MROH1: variants seen among roughly 807,000 people sequenced by gnomAD.
MROH1 encodes the protein maestro heat like repeat family member 1.
In MROH1, 117 loss-of-function variants were observed where a neutral mutation model predicts 116.5. The ratio of observed to expected loss-of-function variants is 1.00; its 90% CI spans 0.86 to 1.17. The LOEUF (loss-of-function observed/expected upper bound fraction) is 1.17. MROH1 is among the 50% of genes most tolerant of loss of function. The probability of loss-of-function intolerance (pLI) is 0.00; values close to 1 mark genes in which losing one functional copy is unlikely to be tolerated. For synonymous variants in MROH1, 921 were observed against 583.9 expected (o/e 1.58, Z -8.32); for missense variants, 1,873 against 1,338.5 (o/e 1.40, Z -6.23).
At chr8:144,219,246 TCTC>T (rs1470865787) in intron 12 of MROH1, among the ~76,000 whole-genome samples, 1 of 152,034 alleles carries the variant, frequency 6.6e-6, no homozygotes, top group Non-Finnish European at 1.5e-5. Context: ...ATGGTCTCGA[TCTC>T]CTGACCTCGT....
At chr8:144,166,386 C>G (rs1220430830) in intron 3 of MROH1, among the ~76,000 whole-genome samples, 1 of 152,210 alleles carries the variant, frequency 6.6e-6, no homozygotes, top group Non-Finnish European at 1.5e-5. Flanking sequence ...GGGAGGCTCC[C>G]TGGGTGGCCG....
intron 12 of MROH1, among the ~76,000 whole-genome samples, chr8:144,209,835 G>A (rs1833696703): frequency 6.6e-6 from 1 of 151,152 alleles, no homozygotes; most frequent in Non-Finnish European, 1.5e-5. Context: ...GAGCCCAGGA[G>A]GTCGAGGCTG....
chr8:144,241,555 C>G, intron 22 of MROH1, 38 bp downstream of exon 22: 1 of 776,916 alleles, frequency 1.3e-6, no homozygotes, highest in Non-Finnish European at 2.4e-6. Flanking sequence ...GGACGGCTGT[C>G]TATCCACAAG....
chr8:144,222,139 G>A (rs1342125986), intron 13 of MROH1, among the ~76,000 whole-genome samples: 1 of 142,340 alleles, frequency 7.0e-6, no homozygotes, highest in Non-Finnish European at 1.6e-5. Context: ...AAAGACAGCA[G>A]CCCCACCCCC....
Position 144,261,795 on chromosome 8 carries a change from C to T in MROH1, c.*55C>T. 4 of 700,044 alleles carry T rather than the reference C, an allele frequency of 5.7e-6. No individual in the cohort carries two copies. In the South Asian group the frequency reaches 5.9e-5, roughly 10 times the overall value. 43.4% of individuals were successfully genotyped at this position (700,044 alleles called of 1,614,324 possible). On this transcript the variant is annotated 3_prime_UTR_variant, in exon 44 of 44. Coordinates refer to ENST00000326134, the MANE Select transcript of MROH1 (RefSeq NM_032450.3). ...ATGCACCCAGACCTGTGCCTGAGCTCCAAGACAGGGCCTCCTGAGGACCAC... is the reference window on the plus strand; with the variant it reads ...ATGCACCCAGACCTGTGCCTGAGCTTCAAGACAGGGCCTCCTGAGGACCAC...
At chr8:144,205,014 A>G (rs560607851) in intron 12 of MROH1, among the ~76,000 whole-genome samples, 3 of 152,300 alleles carry the variant, frequency 2.0e-5, no homozygotes, top group Middle Eastern at 3.4e-3. Context: ...TATGAGCATT[A>G]TTGCTTCATG....
At chr8:144,156,004 C>T (rs1223068843) in intron 1 of MROH1, among the ~76,000 whole-genome samples, 3 of 151,730 alleles carry the variant, frequency 2.0e-5, no homozygotes, top group Non-Finnish European at 4.4e-5. Flanking sequence ...GTTGGGAGGC[C>T]GAGGCGGGTG....
chr8:144,240,377 G>A (rs2132887505), intron 19 of MROH1, among the ~76,000 whole-genome samples, 193 bp from the exon 20 acceptor site: 1 of 152,312 alleles, frequency 6.6e-6, no homozygotes, highest in East Asian at 1.9e-4. Flanking sequence ...AAGCGTCGGG[G>A]GCAACCTCTC....
At chr8:144,190,233 AAC>A (rs1337035756) in intron 7 of MROH1, among the ~76,000 whole-genome samples, 1 of 152,114 alleles carries the variant, frequency 6.6e-6, no homozygotes, top group African/African-American at 2.4e-5. Context: ...ACCCCATTTT[AAC>A]AGTCACATCT....
At chr8:144,238,955 C>A in intron 15 of MROH1, 80 bp from the exon 16 acceptor site, 1 of 769,982 alleles carries the variant, frequency 1.3e-6, no homozygotes. Context: ...GGTCTGTCTC[C>A]ACCTTGGAGC....
At chr8:144,213,185 C>A in intron 12 of MROH1, 1 of 724,772 alleles carries the variant, frequency 1.4e-6, no homozygotes, top group South Asian at 1.4e-5. Flanking sequence ...GTTCTGCGGG[C>A]GACTGCCCAT....
At chr8:144,244,032 A>ACG (rs1841455631) in intron 26 of MROH1, 90 bp downstream of exon 26, 1 of 731,010 alleles carries the variant, frequency 1.4e-6, no homozygotes, top group South Asian at 1.5e-5. Context: ...GCGCGTGTGC[A>ACG]TGTGCGTGTG....
chr8:144,250,567 G>A (rs1157127508), intron 33 of MROH1: 14 of 649,096 alleles, frequency 2.2e-5, no homozygotes, highest in South Asian at 1.5e-4. Context: ...CTCTCCAGGC[G>A]TTTTGGGATC....
chr8:144,181,173 C>T (rs188625811), intron 7 of MROH1, among the ~76,000 whole-genome samples: 15 of 151,656 alleles, frequency 9.9e-5, no homozygotes, highest in East Asian at 3.9e-4. Context: ...GGTAGCTGGC[C>T]GGGAGGAGAA....
At chr8:144,183,308 G>A (rs1826137726) in intron 7 of MROH1, among the ~76,000 whole-genome samples, 1 of 150,882 alleles carries the variant, frequency 6.6e-6, no homozygotes, top group Non-Finnish European at 1.5e-5. Flanking sequence ...TTGACCCTGG[G>A]AAGTCGAGGC....
rs79493663 is a variant in MROH1, at chr8:144,168,318, G to A, written c.46G>A (p.Ala16Thr). Reference sequence around the variant, plus strand: ...AGAGCTGGCCTCCACCCTGCTGGACGCCATCACCGATAAGGACCCCCTGGT... The same window carrying A: ...AGAGCTGGCCTCCACCCTGCTGGACACCATCACCGATAAGGACCCCCTGGT... ...MKKLASTLLD[A>T]ITDKDPLVQE... The change falls in exon 4 of 44, where the codon GCC becomes ACC. Residue 16 changes from alanine to threonine, a missense_variant. Ala to Thr is a moderately conservative substitution (Grantham distance 58, BLOSUM62 0). Transcript: ENST00000326134. 381 of 1,607,276 alleles carry A rather than the reference G, an allele frequency of 2.4e-4. No individual in the cohort carries two copies. In the East Asian group the frequency reaches 6.3e-3, roughly 27 times the overall value.
At chr8:144,178,783 T>C (rs1301100798) in intron 4 of MROH1, among the ~76,000 whole-genome samples, 6 of 152,146 alleles carry the variant, frequency 3.9e-5, no homozygotes, top group Non-Finnish European at 8.8e-5. Context: ...AGTAGCCTAC[T>C]CTGCTGTGTG....
At chr8:144,154,805 C>T (rs1399109819) in intron 1 of MROH1, among the ~76,000 whole-genome samples, 1 of 151,820 alleles carries the variant, frequency 6.6e-6, no homozygotes, top group Non-Finnish European at 1.5e-5. Context: ...GCTGGGATTA[C>T]AGGCATGCGC....
chr8:144,260,710 C>T lies in MROH1; in HGVS notation c.4414C>T (p.Leu1472Phe). The change falls in exon 40 of 44, where the codon CTC becomes TTC. Residue 1472 changes from leucine to phenylalanine, a missense_variant. Leu to Phe is a conservative substitution (Grantham distance 22). Transcript: ENST00000326134. The stretch of plus-strand genomic sequence containing the variant: ...GGAGTTCCGGACGGCATCTATCCGC[C>T]TCTTTGGGCACCTTAACAAGGTCTG... ...KMEFRTASIRLFGHLNKVCHG... is the reference protein window; with the variant it reads ...KMEFRTASIRFFGHLNKVCHG... 2.6e-6 allele frequency: 2 copies of T among 779,648 alleles called. No individual in the cohort carries two copies. Among genetic ancestry groups the T allele is most frequent in the Non-Finnish European group, 4.8e-6 (2 of 417,790 alleles). 48.3% of individuals were successfully genotyped at this position (779,648 alleles called of 1,614,324 possible).
Sources: gnomAD v4.1 joint callset for allele counts (sites outside exome capture counted in the v4.1 genomes callset) on GRCh38, gnomAD v4.1.1 for gene constraint, MANE v1.5 for transcripts, NCBI Gene and HGNC (gene_info 2026-07-23, HGNC 2026-07-21) for gene names.